EYS: variants seen among roughly 807,000 people sequenced by gnomAD.
EYS encodes the protein EGF-like photoreceptor maintenance factor, also known as protein eyes shut homolog.
EYS carries 250 observed loss-of-function variants against 282.1 expected under a neutral mutation model. The ratio of observed to expected loss-of-function variants is 0.89; its 90% confidence interval spans 0.80 to 0.98. The LOEUF (loss-of-function observed/expected upper bound fraction) is 0.98. Among genes scored for constraint, EYS ranks in the 50% least tolerant of loss-of-function variants. EYS has a pLI of 0.00. For missense variants in EYS, 4,016 were observed against 3,709.0 expected (o/e 1.08, Z -2.15); for synonymous variants, 1,355 against 1,282.9 (o/e 1.06, Z -1.20).
At chr6:64,310,123 A>G (rs975416143) in intron 29 of EYS, among the ~76,000 whole-genome samples, 3 of 152,030 alleles carry the variant, frequency 2.0e-5, no homozygotes, top group Non-Finnish European at 4.4e-5. Flanking sequence ...GAATGCTTAT[A>G]CACCATTGGT....
intron 33 of EYS, among the ~76,000 whole-genome samples, chr6:64,002,440 C>G (rs1458698663): frequency 6.6e-6 from 1 of 152,226 alleles, no homozygotes; most frequent in Non-Finnish European, 1.5e-5. Flanking sequence ...GATTAACACA[C>G]AAGCCATCCA....
chr6:65,430,398 C>T (rs1232609585), intron 5 of EYS, among the ~76,000 whole-genome samples: 2 of 152,116 alleles, frequency 1.3e-5, no homozygotes, highest in East Asian at 1.9e-4. Flanking sequence ...GACTTGAGTG[C>T]CCACAAACCT....
In EYS at chr6:64,591,695, G is replaced by T. The variant is rs1223812574; in HGVS notation, c.4172C>A (p.Thr1391Asn). 3 of 1,551,354 alleles carry T rather than the reference G, an allele frequency of 1.9e-6. No homozygotes were observed. The highest frequency in any genetic ancestry group is 1.2e-5 in the South Asian group (1 of 84,052). Residue 1391 changes from threonine to asparagine, a missense_variant, in exon 26 of 43, where the codon ACC becomes AAC. Coordinates refer to ENST00000503581, the MANE Select transcript of EYS (RefSeq NM_001142800.2). ...GFFFPDRRAR[T>N]PFIMSSLMSD... The stretch of plus-strand genomic sequence containing the variant: ...CATTAAGGAAGACATGATAAATGGG[G>T]TCCTTGCTCTCCTATCAGGAAAAAA...
chr6:64,422,972 T>A (rs895820314), intron 28 of EYS, among the ~76,000 whole-genome samples: 1 of 152,150 alleles, frequency 6.6e-6, no homozygotes, highest in Admixed American at 6.5e-5. Flanking sequence ...AATACTTTCT[T>A]TTTTATTTTT....
chr6:64,451,483 G>C (rs936694385), intron 26 of EYS, among the ~76,000 whole-genome samples: 1 of 152,140 alleles, frequency 6.6e-6, no homozygotes, highest in South Asian at 2.1e-4. Context: ...AATAGAAAAA[G>C]AGGGAATCCT....
intron 12 of EYS, among the ~76,000 whole-genome samples, chr6:65,280,861 A>T (rs1768197970): frequency 7.4e-6 from 1 of 135,868 alleles, no homozygotes; most frequent in Admixed American, 7.4e-5. Flanking sequence ...GTACTAAAAA[A>T]AAAAATATAT....
rs1402401280 is a variant in EYS at position 65,495,954 on chromosome 6, G to C, written c.-293C>G. On this transcript the variant is annotated 5_prime_UTR_variant, in exon 3 of 43. Transcript: ENST00000503581. ...TTACAGATGGTTTCAATTTTCTTGG[G>C]AGATAAGCATTCCTCTTCTGATTAG... 1.9e-5 allele frequency: 3 copies of C among 154,454 alleles called. No individual in the cohort carries two copies. The highest frequency in any genetic ancestry group is 7.2e-5 in the African/African-American group (3 of 41,424). 9.6% of individuals were successfully genotyped at this position (154,454 alleles called of 1,614,324 possible).
chr6:64,956,848 C>G (rs184042115), intron 14 of EYS, among the ~76,000 whole-genome samples: 1 of 152,126 alleles, frequency 6.6e-6, no homozygotes, highest in Non-Finnish European at 1.5e-5. Context: ...CTTAACATCA[C>G]TGATTATCAG....
chr6:63,799,022 A>ATAAT (rs1770720007), intron 37 of EYS, among the ~76,000 whole-genome samples: 75 of 69,552 alleles, frequency 1.1e-3, no homozygotes, highest in African/African-American at 4.1e-3. Context: ...TATATATATA[A>ATAAT]TTTTTTTTTT....
At chr6:64,384,894 G>A (rs561069757) in intron 29 of EYS, among the ~76,000 whole-genome samples, 1 of 152,238 alleles carries the variant, frequency 6.6e-6, no homozygotes, top group African/African-American at 2.4e-5. Context: ...CATACACATT[G>A]GATTAGGGAC....
At chr6:63,947,632 G>T (rs976783644) in intron 35 of EYS, among the ~76,000 whole-genome samples, 1 of 152,038 alleles carries the variant, frequency 6.6e-6, no homozygotes, top group Non-Finnish European at 1.5e-5. Flanking sequence ...CTAAGCTCTT[G>T]CCTTTTCTCA....
chr6:64,937,211 GAAAT>G (rs1768937596), intron 15 of EYS, among the ~76,000 whole-genome samples: 1 of 151,264 alleles, frequency 6.6e-6, no homozygotes, highest in African/African-American at 2.4e-5. Flanking sequence ...AGAAAATACA[GAAAT>G]AAAATTATTG....
At chr6:63,966,400 A>G (rs1044441868) in intron 35 of EYS, among the ~76,000 whole-genome samples, 1 of 152,154 alleles carries the variant, frequency 6.6e-6, no homozygotes, top group Non-Finnish European at 1.5e-5. Context: ...GACTACAAAT[A>G]TGGTGCAGTG....
At chr6:64,289,246 T>C (rs914682617) in intron 30 of EYS, among the ~76,000 whole-genome samples, 3 of 152,082 alleles carry the variant, frequency 2.0e-5, no homozygotes, top group South Asian at 4.1e-4. Context: ...CCTCTTCTGG[T>C]AAACTCCCAC....
chr6:64,448,036 C>T (rs572261594), intron 26 of EYS, among the ~76,000 whole-genome samples: 48 of 152,302 alleles, frequency 3.2e-4, no homozygotes, highest in Admixed American at 2.5e-3. Context: ...GTGCACCGTG[C>T]GTGAGCCTAA....
rs182292309 is a variant in EYS, at chr6:64,789,068, T to G, written c.3443+24310A>C. Among the ~76,000 whole-genome samples, 131 of 152,222 alleles carry G rather than the reference T, an allele frequency of 8.6e-4. 1 individual carries two copies. The highest frequency in any genetic ancestry group is 2.8e-3 in the African/African-American group (117 of 41,542). On this transcript the variant is annotated intron_variant, in intron 22 of 42. Coordinates refer to ENST00000503581, the MANE Select transcript of EYS (RefSeq NM_001142800.2). ...TATATCTCCAGTCAGCCCAATAATC[T>G]CCATTTCCTATGCTACTATACAATG...
chr6:63,944,693 C>G (rs1562108444), intron 35 of EYS, among the ~76,000 whole-genome samples: 1 of 152,068 alleles, frequency 6.6e-6, no homozygotes, highest in Non-Finnish European at 1.5e-5. Context: ...CTTTGGGAGG[C>G]TGAGGTGGGT....
intron 22 of EYS, among the ~76,000 whole-genome samples, chr6:64,635,719 G>C (rs552924375): frequency 6.6e-6 from 1 of 152,060 alleles, no homozygotes; most frequent in East Asian, 1.9e-4. Flanking sequence ...TGCTGGATTC[G>C]GTTTGCCAGT....
chr6:65,194,853 G>C (rs1408009211), intron 12 of EYS, among the ~76,000 whole-genome samples: 1 of 142,760 alleles, frequency 7.0e-6, no homozygotes, highest in Admixed American at 7.1e-5. Flanking sequence ...TTTGCCAGTT[G>C]TTTTTTTTTT....
Sources: gnomAD v4.1 joint callset for allele counts (sites outside exome capture counted in the v4.1 genomes callset) on GRCh38, gnomAD v4.1.1 for gene constraint, MANE v1.5 for transcripts, NCBI Gene and HGNC (gene_info 2026-07-23, HGNC 2026-07-21) for gene names.